GNB1L: variants seen among roughly 807,000 people sequenced by gnomAD.
GNB1L encodes guanine nucleotide-binding protein subunit beta-like protein 1.
In GNB1L, 20 loss-of-function variants were observed where a neutral mutation model predicts 29.1. The observed-to-expected ratio is 0.69, with a 90% CI of 0.48 to 1.00. GNB1L has a LOEUF of 1.00. Ranked by LOEUF, GNB1L falls within the 50% of genes least tolerant of loss-of-function variation. The pLI is 0.00. For missense variants in GNB1L, 421 were observed against 464.9 expected, an observed-to-expected ratio of 0.91 and a Z score of 0.87; for synonymous variants, 193 against 206.5, an observed-to-expected ratio of 0.93 and a Z score of 0.56.
intron 2 of GNB1L, chr22:19,848,968 G>C (rs964080424): frequency 2.0e-6 from 2 of 985,484 alleles, no homozygotes; most frequent in African/African-American, 3.5e-5. Context: ...CCACAGGTGA[G>C]CCAGGCCACA....
chr22:19,805,553 C>A (rs142025990), intron 6 of GNB1L, among the ~76,000 whole-genome samples: 3,806 of 151,930 alleles, frequency 0.025, 171 homozygotes, highest in African/African-American at 0.088. Flanking sequence ...GAGGCCGAAG[C>A]GGGCGGATCA....
chr22:19,803,790 C>T (rs1156862703), intron 6 of GNB1L, among the ~76,000 whole-genome samples: 1 of 152,338 alleles, frequency 6.6e-6, no homozygotes, highest in East Asian at 1.9e-4. Flanking sequence ...AAGCTGACTC[C>T]AAAGACTCTC....
At chr22:19,824,611 C>T (rs1440735640) in intron 2 of GNB1L, among the ~76,000 whole-genome samples, 2 of 152,222 alleles carry the variant, frequency 1.3e-5, no homozygotes, top group Non-Finnish European at 2.9e-5. Flanking sequence ...ACAGCATCTG[C>T]CTGCAATGCA....
intron 6 of GNB1L, among the ~76,000 whole-genome samples, chr22:19,804,154 C>G (rs374950253): frequency 6.6e-6 from 1 of 152,288 alleles, no homozygotes; most frequent in Non-Finnish European, 1.5e-5. Context: ...TACCACAGGC[C>G]GGGCAGTCCT....
intron 2 of GNB1L, among the ~76,000 whole-genome samples, chr22:19,832,757 A>T (rs9618708): frequency 0.27 from 40,587 of 152,042 alleles, 5,511 homozygotes; most frequent in East Asian, 0.33. Flanking sequence ...AAGGGGGGAA[A>T]CTACAGAGTG....
chr22:19,815,423 C>T (rs1937520531), intron 4 of GNB1L, among the ~76,000 whole-genome samples: 1 of 152,180 alleles, frequency 6.6e-6, no homozygotes, highest in Non-Finnish European at 1.5e-5. Flanking sequence ...GGCGGCAAGG[C>T]TCAACATGAC....
intron 2 of GNB1L, among the ~76,000 whole-genome samples, chr22:19,838,686 C>T (rs1601347951): frequency 1.3e-5 from 2 of 152,200 alleles, no homozygotes; most frequent in Middle Eastern, 3.4e-3. Flanking sequence ...GTCTTGATCT[C>T]CTGACCTCAT....
chr22:19,794,131 T>C (rs967299429), intron 7 of GNB1L, among the ~76,000 whole-genome samples: 1 of 152,064 alleles, frequency 6.6e-6, no homozygotes, highest in Non-Finnish European at 1.5e-5. Context: ...TATCCAGGCA[T>C]GGTGATAGGT....
chr22:19,827,951 C>T (rs1937632456), intron 2 of GNB1L, among the ~76,000 whole-genome samples: 1 of 152,154 alleles, frequency 6.6e-6, no homozygotes, highest in Admixed American at 6.5e-5. Context: ...GAAAGGAACA[C>T]ATTGGGTAAA....
chr22:19,837,628 C>T (rs529207238), intron 2 of GNB1L, among the ~76,000 whole-genome samples: 12 of 152,198 alleles, frequency 7.9e-5, no homozygotes, highest in Admixed American at 5.9e-4. Context: ...AACTCTCATA[C>T]GCTGCTGATG....
chr22:19,851,465 C>A (rs756609398), intron 2 of GNB1L: 2 of 1,613,912 alleles, frequency 1.2e-6, no homozygotes, highest in African/African-American at 2.7e-5. Flanking sequence ...CTCCTTGGGC[C>A]CAGGGGTGCT....
intron 7 of GNB1L, among the ~76,000 whole-genome samples, chr22:19,798,599 G>A (rs1430324503): frequency 6.6e-6 from 1 of 152,174 alleles, no homozygotes; most frequent in Non-Finnish European, 1.5e-5. Context: ...AGGCTGAGAT[G>A]CCCAGTTCCT....
chr22:19,847,610 T>C, intron 2 of GNB1L: 1 of 975,776 alleles, frequency 1.0e-6, no homozygotes, highest in South Asian at 4.7e-5. Context: ...CCCCATGTAG[T>C]GGTACCGAAC....
At chr22:19,844,640 T>G (rs1402081405) in intron 2 of GNB1L, among the ~76,000 whole-genome samples, 1 of 152,174 alleles carries the variant, frequency 6.6e-6, no homozygotes, top group Non-Finnish European at 1.5e-5. Flanking sequence ...GGGGTCTCTC[T>G]GTGAGCAGGC....
intron 2 of GNB1L, among the ~76,000 whole-genome samples, chr22:19,823,231 C>T (rs1193989201): frequency 2.0e-5 from 3 of 152,220 alleles, no homozygotes; most frequent in South Asian, 4.1e-4. Context: ...AGGTTTCGTC[C>T]TCTCTCACCT....
At chr22:19,828,980 C>G (rs1200870379) in intron 2 of GNB1L, among the ~76,000 whole-genome samples, 1 of 152,112 alleles carries the variant, frequency 6.6e-6, no homozygotes, top group South Asian at 2.1e-4. Context: ...TACAGGCACA[C>G]GCCACAGTGC....
intron 2 of GNB1L, among the ~76,000 whole-genome samples, chr22:19,832,606 AC>A (rs1274063453): frequency 1.3e-5 from 2 of 152,104 alleles, no homozygotes; most frequent in African/African-American, 2.4e-5. Flanking sequence ...GTGAGGGGAA[AC>A]CCTGAAGGTT....
chr22:19,786,818 G>A lies in GNB1L; in HGVS notation c.*1891C>T, dbSNP rs1937195387. On this transcript the variant is annotated 3_prime_UTR_variant, in exon 8 of 8. Transcript: ENST00000329517. ...TGCAGTCACTGCAGCCTAAACCCAG[G>A]ACCCTTCCCCTCCCTGACACCTCAG... 6.6e-6 allele frequency: 1 copy of A among 152,452 alleles called. No individual in the cohort carries two copies. The highest frequency in any genetic ancestry group is 6.5e-5 in the Admixed American group (1 of 15,302). The allele number at this position is 152,452 out of a possible 1,614,324, so 9.4% of individuals were successfully genotyped here. A position where few individuals can be genotyped will look rare whatever the true frequency, so the allele number is the denominator to read the frequency against.
At chr22:19,792,790 T>A in intron 7 of GNB1L, 1 of 1,426,350 alleles carries the variant, frequency 7.0e-7, no homozygotes, top group Non-Finnish European at 9.7e-7. Flanking sequence ...CCCATCGAGC[T>A]GGTTGTCTTC....
Sources: allele counts gnomAD v4.1 joint callset (sites outside exome capture counted in the v4.1 genomes callset), GRCh38; gene constraint gnomAD v4.1.1; transcripts MANE v1.5; gene names NCBI Gene and HGNC (gene_info 2026-07-23, HGNC 2026-07-21).